The following SESN1 variants were observed in gnomAD, a reference collection of about 807,000 sequenced individuals.
SESN1 encodes sestrin 1, also known as sestrin-1.
SESN1 carries 30 observed loss-of-function variants against 59.3 expected under a neutral mutation model. The observed-to-expected ratio is 0.51, with a 90% confidence interval of 0.38 to 0.69. SESN1 has a LOEUF of 0.69. Ranked by LOEUF, SESN1 falls within the 30% of genes least tolerant of loss-of-function variation. SESN1 has a pLI of 0.00. For synonymous variants in SESN1, 197 were observed against 219.9 expected, an observed-to-expected ratio of 0.90 and a Z score of 0.92; for missense variants, 566 against 673.0, an observed-to-expected ratio of 0.84 and a Z score of 1.76.
intron 4 of SESN1, 152 bp downstream of exon 4, chr6:109,000,339 G>T: frequency 2.0e-6 from 1 of 502,390 alleles, no homozygotes; most frequent in Non-Finnish European, 3.4e-6. Context: ...CCACAGAAAT[G>T]CTGTAACAGA....
intron 3 of SESN1, among the ~76,000 whole-genome samples, chr6:109,000,877 A>G (rs1172988033): frequency 1.3e-5 from 2 of 152,166 alleles, no homozygotes; most frequent in African/African-American, 4.8e-5. Flanking sequence ...AACAAACAAA[A>G]TATCTGATAA....
chr6:109,070,609 C>T (rs1216376088), intron 1 of SESN1, among the ~76,000 whole-genome samples: 1 of 152,118 alleles, frequency 6.6e-6, no homozygotes, highest in East Asian at 1.9e-4. Context: ...CATTCCTGTC[C>T]CCAGCCAATG....
intron 9 of SESN1, 28 bp from the exon 10 acceptor site, chr6:108,987,658 G>A (rs1779234830): frequency 8.0e-7 from 1 of 1,253,212 alleles, no homozygotes; most frequent in Non-Finnish European, 1.2e-6. Flanking sequence ...CATCATATAA[G>A]GAAGGGTTAC....
intron 8 of SESN1, among the ~76,000 whole-genome samples, chr6:108,990,357 T>G (rs6904998): frequency 0.18 from 27,090 of 152,192 alleles, 2,793 homozygotes; most frequent in African/African-American, 0.28. Context: ...GGTGTTCAGT[T>G]ACAAACTTTG....
chr6:109,093,299 G>A (rs1161799301), intron 1 of SESN1, among the ~76,000 whole-genome samples: 1 of 152,050 alleles, frequency 6.6e-6, no homozygotes, highest in African/African-American at 2.4e-5. Context: ...TTTAAGATAG[G>A]TTTTTATTAT....
intron 1 of SESN1, among the ~76,000 whole-genome samples, chr6:109,090,267 C>T (rs1334942284): frequency 6.6e-6 from 1 of 152,136 alleles, no homozygotes; most frequent in Non-Finnish European, 1.5e-5. Flanking sequence ...TAATAAAGTA[C>T]AGTCCCATAC....
chr6:109,071,349 GTTTC>G (rs1192541727), intron 1 of SESN1, among the ~76,000 whole-genome samples: 3 of 147,424 alleles, frequency 2.0e-5, no homozygotes, highest in Admixed American at 1.3e-4. Context: ...GATAGTTTTT[GTTTC>G]TTTTTTTTTT....
At chr6:109,071,899 A>G (rs1018071350) in intron 1 of SESN1, among the ~76,000 whole-genome samples, 6 of 152,308 alleles carry the variant, frequency 3.9e-5, no homozygotes, top group African/African-American at 1.4e-4. Context: ...CGTTTTAGCA[A>G]TGGTTCTTAA....
intron 1 of SESN1, among the ~76,000 whole-genome samples, chr6:109,038,945 A>T (rs1217415376): frequency 5.3e-5 from 8 of 150,286 alleles, no homozygotes; most frequent in Admixed American, 1.3e-4. Flanking sequence ...AGAGAAGAAG[A>T]AAAGAAGGGA....
chr6:109,044,490 A>T (rs1313434441), intron 1 of SESN1, among the ~76,000 whole-genome samples: 1 of 152,080 alleles, frequency 6.6e-6, no homozygotes, highest in Non-Finnish European at 1.5e-5. Flanking sequence ...CTTAACAAAA[A>T]GTAACTCAAA....
rs755504062 is a variant in SESN1, at chr6:109,002,271, A to T, written c.345+7T>A. On this transcript the variant is annotated splice_region_variant and intron_variant, in intron 2 of 9. Coordinates refer to ENST00000436639, the MANE Select transcript of SESN1 (RefSeq NM_014454.3). ...CAGTTCACTATGTACTTTCACAAAC[A>T]ACGTACCTCCTTTTCTGGGATGAAT... 2 of 1,612,392 alleles carry T rather than the reference A, an allele frequency of 1.2e-6. No individual in the cohort carries two copies. The highest frequency in any genetic ancestry group is 2.2e-5 in the South Asian group (2 of 91,040).
intron 1 of SESN1, among the ~76,000 whole-genome samples, chr6:109,075,423 T>C (rs554509328): frequency 4.4e-4 from 67 of 152,320 alleles, no homozygotes; most frequent in African/African-American, 1.5e-3. Flanking sequence ...GATTAGGCTA[T>C]AAAAGACTGT....
Position 109,083,258 on chromosome 6 carries a change from T to C in SESN1, c.279+10537A>G, listed in dbSNP as rs901625410. On this transcript the variant is annotated intron_variant, in intron 1 of 9. Transcript: ENST00000436639. ...AAATTCAACATGACCTTTACACCAT[T>C]CTGAAGTAAGATCTCTAGTCAAAGT... 3.5e-4 allele frequency among the ~76,000 whole-genome samples: 53 copies of C among 152,192 alleles called. 1 individual carries two copies. The highest frequency in any genetic ancestry group is 1.2e-3 in the African/African-American group (51 of 41,458).
At chr6:109,062,211 T>A (rs183213421) in intron 1 of SESN1, among the ~76,000 whole-genome samples, 8 of 152,210 alleles carry the variant, frequency 5.3e-5, no homozygotes, top group African/African-American at 1.7e-4. Context: ...CTTGAGGAAG[T>A]CAGAATTGAG....
chr6:108,987,804 A>C (rs1583254855), intron 9 of SESN1, among the ~76,000 whole-genome samples, 174 bp from the exon 10 acceptor site: 1 of 106,620 alleles, frequency 9.4e-6, no homozygotes, highest in African/African-American at 4.1e-5. Context: ...AACAGCAGCT[A>C]TCTTTTTTTT....
At chr6:109,080,448 A>C (rs1781103048) in intron 1 of SESN1, among the ~76,000 whole-genome samples, 1 of 152,202 alleles carries the variant, frequency 6.6e-6, no homozygotes, top group African/African-American at 2.4e-5. Flanking sequence ...CCTTGCGATC[A>C]GGCAACTTTT....
chr6:109,038,930 A>G (rs1347351929), intron 1 of SESN1, among the ~76,000 whole-genome samples: 2 of 151,538 alleles, frequency 1.3e-5, no homozygotes, highest in Non-Finnish European at 2.9e-5. Context: ...GAGGAGGAGA[A>G]GAAAAGAGAA....
chr6:109,092,013 C>A (rs1354565499), intron 1 of SESN1, among the ~76,000 whole-genome samples: 1 of 152,152 alleles, frequency 6.6e-6, no homozygotes, highest in Non-Finnish European at 1.5e-5. Flanking sequence ...GTGCTTATAA[C>A]ACAATATAAG....
At chr6:109,081,452 T>G (rs1781120988) in intron 1 of SESN1, among the ~76,000 whole-genome samples, 1 of 152,202 alleles carries the variant, frequency 6.6e-6, no homozygotes, top group African/African-American at 2.4e-5. Flanking sequence ...GGGCCTTGTT[T>G]TTTCTTGACA....
Sources: gnomAD v4.1 joint callset for allele counts (sites outside exome capture counted in the v4.1 genomes callset) on GRCh38, gnomAD v4.1.1 for gene constraint, MANE v1.5 for transcripts, NCBI Gene and HGNC (gene_info 2026-07-23, HGNC 2026-07-21) for gene names.